ATXN7L1: variants seen among roughly 807,000 people sequenced by gnomAD.
ATXN7L1 encodes the protein ataxin-7-like protein 1.
ATXN7L1 carries 15 observed loss-of-function variants against 70.8 expected under a neutral mutation model. The ratio of observed to expected loss-of-function variants is 0.21; its 90% CI spans 0.14 to 0.33. The LOEUF is 0.33. Ranked by LOEUF, ATXN7L1 falls within the 10% of genes least tolerant of loss-of-function variation. ATXN7L1 has a pLI of 1.00. For synonymous variants in ATXN7L1, 440 were observed against 445.1 expected (o/e 0.99, Z 0.14); for missense variants, 975 against 1,097.1 (o/e 0.89, Z 1.57).
At chr7:105,840,684 C>T (rs944168000) in intron 2 of ATXN7L1, among the ~76,000 whole-genome samples, 21 of 152,338 alleles carry the variant, frequency 1.4e-4, no homozygotes, top group African/African-American at 3.4e-4. Context: ...GCATCTCCAA[C>T]GGCTCCAGGG....
chr7:105,618,058 G>C (rs967466173), intron 9 of ATXN7L1: 4 of 456,616 alleles, frequency 8.8e-6, no homozygotes, highest in South Asian at 3.1e-5. Flanking sequence ...TCCTGAACAG[G>C]GGGGAGGGAC....
intron 3 of ATXN7L1, among the ~76,000 whole-genome samples, chr7:105,712,016 G>T (rs554707180): frequency 5.9e-5 from 9 of 152,378 alleles, no homozygotes; most frequent in African/African-American, 2.2e-4. Flanking sequence ...TGCAAATGCA[G>T]GCCCAACGTC....
intron 7 of ATXN7L1, among the ~76,000 whole-genome samples, chr7:105,624,521 G>A (rs1157881719): frequency 6.6e-6 from 1 of 152,054 alleles, no homozygotes; most frequent in East Asian, 1.9e-4. Flanking sequence ...ATGGTGGCGC[G>A]TGCCTGTAGT....
intron 3 of ATXN7L1, among the ~76,000 whole-genome samples, chr7:105,693,644 G>A (rs1791336636): frequency 1.3e-5 from 2 of 152,146 alleles, no homozygotes; most frequent in South Asian, 4.1e-4. Flanking sequence ...AAAGTAATGA[G>A]TAAGTAGAAA....
chr7:105,782,616 G>A (rs1803692974), intron 3 of ATXN7L1, among the ~76,000 whole-genome samples: 1 of 152,222 alleles, frequency 6.6e-6, no homozygotes, highest in Admixed American at 6.5e-5. Flanking sequence ...CCCTGGGCGG[G>A]GGGCTCCATG....
At chr7:105,698,332 A>G (rs959448267) in intron 3 of ATXN7L1, among the ~76,000 whole-genome samples, 2 of 152,096 alleles carry the variant, frequency 1.3e-5, no homozygotes, top group African/African-American at 4.8e-5. Context: ...TCAGTTTTGC[A>G]TCGATGGGGC....
chr7:105,664,465 GTATATGTATAATATATGTATACA>G (rs1275538299), intron 4 of ATXN7L1, among the ~76,000 whole-genome samples: 5 of 146,210 alleles, frequency 3.4e-5, no homozygotes, highest in Non-Finnish European at 6.0e-5. Flanking sequence ...ATGTATGTGT[GTATATGTATAATATATGTATACA>G]TATATGTATA....
chr7:105,768,750 A>C (rs1021495928), intron 3 of ATXN7L1, among the ~76,000 whole-genome samples: 3 of 152,280 alleles, frequency 2.0e-5, no homozygotes, highest in African/African-American at 7.2e-5. Flanking sequence ...CAAGAAGACG[A>C]GTAATCTTCC....
At chr7:105,682,612 A>C (rs1418399755) in intron 3 of ATXN7L1, among the ~76,000 whole-genome samples, 3 of 152,258 alleles carry the variant, frequency 2.0e-5, no homozygotes, top group African/African-American at 7.2e-5. Context: ...AGAAGGAATG[A>C]AGCATGATAC....
intron 2 of ATXN7L1, among the ~76,000 whole-genome samples, chr7:105,847,880 C>A (rs577389192): frequency 1.1e-4 from 17 of 152,240 alleles, no homozygotes; most frequent in African/African-American, 3.4e-4. Context: ...TTCAGTAACA[C>A]CTGCCATGTG....
intron 9 of ATXN7L1, among the ~76,000 whole-genome samples, chr7:105,615,602 G>A (rs551055480): frequency 3.2e-4 from 49 of 152,344 alleles, no homozygotes; most frequent in Non-Finnish European, 5.4e-4. Flanking sequence ...CAGAGGAGCT[G>A]TCTGGGGTGT....
chr7:105,682,332 G>C (rs555333705), intron 3 of ATXN7L1, among the ~76,000 whole-genome samples: 8 of 152,102 alleles, frequency 5.3e-5, no homozygotes, highest in African/African-American at 1.9e-4. Context: ...ATTAAGATGG[G>C]TAAGTTTCAC....
chr7:105,782,341 C>T (rs1264623942), intron 3 of ATXN7L1, among the ~76,000 whole-genome samples: 1 of 152,176 alleles, frequency 6.6e-6, no homozygotes, highest in African/African-American at 2.4e-5. Context: ...TATCCATTCA[C>T]CTAAGGGACT....
intron 3 of ATXN7L1, among the ~76,000 whole-genome samples, chr7:105,766,575 C>G (rs1427059562): frequency 6.6e-6 from 1 of 152,140 alleles, no homozygotes; most frequent in Non-Finnish European, 1.5e-5. Context: ...GCATTTCATG[C>G]ATATAAATGG....
chr7:105,853,195 T>C (rs376889027), intron 2 of ATXN7L1, among the ~76,000 whole-genome samples: 1 of 152,272 alleles, frequency 6.6e-6, no homozygotes, highest in East Asian at 1.9e-4. Context: ...CGCTGAATTA[T>C]ACACTCTAAA....
At chr7:105,681,165 G>A (rs761574099) in intron 3 of ATXN7L1, among the ~76,000 whole-genome samples, 4 of 152,140 alleles carry the variant, frequency 2.6e-5, no homozygotes, top group Admixed American at 2.0e-4. Context: ...GGTTGCTCAC[G>A]CCTGTAATCC....
chr7:105,608,736 G>A (rs1372879899), intron 11 of ATXN7L1, among the ~76,000 whole-genome samples: 2 of 152,056 alleles, frequency 1.3e-5, no homozygotes, highest in Non-Finnish European at 2.9e-5. Context: ...CCTGGCCTGG[G>A]GATACAAAAA....
chr7:105,757,079 AG>A (rs1799891078), intron 3 of ATXN7L1, among the ~76,000 whole-genome samples: 1 of 152,268 alleles, frequency 6.6e-6, no homozygotes, highest in East Asian at 1.9e-4. Flanking sequence ...TTAGTTGTAC[AG>A]TCACGAAAGG....
chr7:105,605,725 A>C lies in ATXN7L1; in HGVS notation c.*2127T>G, dbSNP rs1792738079. On this transcript the variant is annotated 3_prime_UTR_variant, in exon 12 of 12. Coordinates refer to ENST00000419735, the MANE Select transcript of ATXN7L1 (RefSeq NM_020725.2). ...TTACAACTCAAAATAAATTATAAAAAACAACAGACCTCTGAAACCGAACAA... is the reference window on the plus strand; with the variant it reads ...TTACAACTCAAAATAAATTATAAAACACAACAGACCTCTGAAACCGAACAA... The C allele has an allele frequency of 6.6e-6, 1 of 152,224 alleles. No homozygotes were observed. Among genetic ancestry groups the C allele is most frequent in the African/African-American group, 2.4e-5 (1 of 41,456 alleles). 9.4% of individuals were successfully genotyped at this position (152,224 alleles called of 1,614,324 possible).
Sources: gnomAD v4.1 joint callset for allele counts (sites outside exome capture counted in the v4.1 genomes callset) on GRCh38, gnomAD v4.1.1 for gene constraint, MANE v1.5 for transcripts, NCBI Gene and HGNC (gene_info 2026-07-23, HGNC 2026-07-21) for gene names.